NBPF9: variants seen among roughly 807,000 people sequenced by gnomAD.
NBPF9 encodes NBPF member 9.
In NBPF9, 91 loss-of-function variants were observed where a neutral mutation model predicts 97.8. That is an observed-to-expected ratio of 0.93 (90% CI 0.79 to 1.11). The LOEUF (loss-of-function observed/expected upper bound fraction) is 1.11, where lower values mean the gene tolerates loss of function less well. NBPF9 is among the 50% of genes least tolerant of loss of function. The pLI, the probability that NBPF9 is intolerant of heterozygous loss-of-function variation, is 0.00. For missense variants in NBPF9, 992 were observed against 939.5 expected, an observed-to-expected ratio of 1.06 and a Z score of -0.73; for synonymous variants, 334 against 359.5, an observed-to-expected ratio of 0.93 and a Z score of 0.80.
At chr1:149,075,321 G>A (rs2079763226) in intron 12 of NBPF9, among the ~76,000 whole-genome samples, 1 of 152,122 alleles carries the variant, frequency 6.6e-6, no homozygotes, top group Non-Finnish European at 1.5e-5. Context: ...CAGACTAGAT[G>A]TTATTTGTCT....
chr1:149,095,859 A>G (rs2081728558), intron 4 of NBPF9, among the ~76,000 whole-genome samples: 1 of 151,798 alleles, frequency 6.6e-6, no homozygotes, highest in African/African-American at 2.4e-5. Flanking sequence ...TGGAAATCAA[A>G]AGTGTACAGT....
Position 149,071,718 on chromosome 1 carries a change from C to T in NBPF9, c.1307-42G>A, listed in dbSNP as rs1308373454. On this transcript the variant is annotated intron_variant, in intron 14 of 29. Transcript: ENST00000584027. ...GTTCGTTCAGATATTTCCCACTTCA[C>T]AGTCTGCAAGCACAGTCAGCCCAAT... The T allele has an allele frequency of 3.2e-5, 35 of 1,082,264 alleles. 3 individuals are homozygous for T. The highest frequency in any genetic ancestry group is 4.6e-5 in the Non-Finnish European group (34 of 743,756). The allele number at this position is 1,082,264 out of a possible 1,614,324, so 67.0% of individuals were successfully genotyped here. A position where few individuals can be genotyped will look rare whatever the true frequency, so the allele number is the denominator to read the frequency against.
intron 9 of NBPF9, 150 bp downstream of exon 9, chr1:149,078,857 T>C (rs1312504771): frequency 1.4e-6 from 2 of 1,392,804 alleles, no homozygotes; most frequent in Non-Finnish European, 2.0e-6. Flanking sequence ...CCCATCTCTG[T>C]TCTTACCCAG....
At chr1:149,063,239 A>T (rs375020724) in intron 20 of NBPF9, among the ~76,000 whole-genome samples, 2 of 125,766 alleles carry the variant, frequency 1.6e-5, no homozygotes, top group South Asian at 6.3e-4. Context: ...AAACTGCACT[A>T]TTCAGCCCTG....
chr1:149,062,349 G>C (rs2078671158), intron 21 of NBPF9, 84 bp from the exon 22 acceptor site: 2 of 620,782 alleles, frequency 3.2e-6, no homozygotes, highest in Non-Finnish European at 5.8e-6. Context: ...GCTAACATAA[G>C]GAACTGTTTA....
rs1395069976 is a variant in NBPF9, at chr1:149,087,353, TTGTG to T, written c.-195+3396_-195+3399del. Among the ~76,000 whole-genome samples the T allele has an allele frequency of 1.9e-3, 274 of 147,878 alleles. 1 individual carries two copies. The highest frequency in any genetic ancestry group is 5.9e-3 in the African/African-American group (234 of 39,676). Reference sequence around the variant, plus strand: ...TATATACACACACACACACACACGTTTGTGTGTGTATGTGTGTATACATATATAT... The same window carrying T: ...TATATACACACACACACACACACGTTTGTGTATGTGTGTATACATATATAT... On this transcript the variant is annotated intron_variant, in intron 5 of 29. Transcript: ENST00000584027.
rs373315561 is a variant in NBPF9, at chr1:149,071,953, G to T, written c.1307-277C>A. 3.0e-3 allele frequency among the ~76,000 whole-genome samples: 449 copies of T among 149,528 alleles called. 2 individuals carry two copies. Among genetic ancestry groups the T allele is most frequent in the Non-Finnish European group, 4.9e-3 (332 of 67,562 alleles). On this transcript the variant is annotated intron_variant, in intron 14 of 29. Transcript: ENST00000584027. Reference sequence around the variant, plus strand: ...AGGCTTGTGCAGCCTCTCTCTGGACGTTGGCAGCTGTCTCCCCCATCCTGC... The same window carrying T: ...AGGCTTGTGCAGCCTCTCTCTGGACTTTGGCAGCTGTCTCCCCCATCCTGC...
intron 16 of NBPF9, among the ~76,000 whole-genome samples, chr1:149,070,705 C>G (rs1195859351): frequency 1.3e-5 from 2 of 151,998 alleles, no homozygotes; most frequent in Non-Finnish European, 1.5e-5. Flanking sequence ...CTCCTGCACT[C>G]AGGTGACTAT....
intron 4 of NBPF9, among the ~76,000 whole-genome samples, chr1:149,095,891 A>T (rs1260157208): frequency 2.0e-5 from 3 of 151,542 alleles, no homozygotes; most frequent in African/African-American, 7.3e-5. Context: ...ACTTAAGTTC[A>T]TTCAAAATCC....
Position 149,059,398 on chromosome 1 carries a change from G to T in NBPF9, c.2586-301C>A. On this transcript the variant is annotated intron_variant, in intron 25 of 29. Transcript: ENST00000584027. ...TGAGTTCGTGCCCTCATGACACACA[G>T]CAAACTGTGATCATGAAAAGAGTGA... is the stretch of plus-strand genomic sequence containing the variant. The T allele has an allele frequency of 4.8e-6, 2 of 419,098 alleles. 1 individual carries two copies. The highest frequency in any genetic ancestry group is 8.8e-6 in the Non-Finnish European group (2 of 228,486). 26.0% of individuals were successfully genotyped at this position (419,098 alleles called of 1,614,324 possible).
At position 149,098,526 on chromosome 1, in the gene NBPF9, C is replaced by T. The variant is rs1247152690; in HGVS notation, c.-425G>A. The T allele has an allele frequency of 2.9e-4, 444 of 1,505,646 alleles. 4 individuals are homozygous for T. The South Asian group carries it at 5.0e-3, about 17-fold the overall frequency. The allele number at this position is 1,505,646 out of a possible 1,614,324, so 93.3% of individuals were successfully genotyped here. On this transcript the variant is annotated 5_prime_UTR_variant, in exon 4 of 30. Transcript: ENST00000584027. ...TGGGGAAGTTTCTACATCAGTACCT[C>T]GGAGAGTCCACTGGAAGCCCTGGAC...
intron 12 of NBPF9, among the ~76,000 whole-genome samples, chr1:149,075,423 A>C (rs1304666330): frequency 6.6e-6 from 1 of 152,240 alleles, no homozygotes; most frequent in African/African-American, 2.4e-5. Flanking sequence ...AGAAATCAAT[A>C]AATGGCAGTT....
At chr1:149,097,341 G>A (rs2081848007) in intron 4 of NBPF9, among the ~76,000 whole-genome samples, 1 of 152,276 alleles carries the variant, frequency 6.6e-6, no homozygotes, top group South Asian at 2.1e-4. Context: ...TTTCCATGGG[G>A]TACAACCCCT....
At position 149,060,965 on chromosome 1, in the gene NBPF9, G is replaced by C. The variant is rs1477823078; in HGVS notation, c.2304-270C>G. The C allele has an allele frequency of 7.2e-6, 3 of 417,692 alleles. 1 individual carries two copies. Among genetic ancestry groups the C allele is most frequent in the Non-Finnish European group, 1.3e-5 (3 of 233,158 alleles). 25.9% of individuals were successfully genotyped at this position (417,692 alleles called of 1,614,324 possible). A position where few individuals can be genotyped will look rare whatever the true frequency, so the allele number is the denominator to read the frequency against. On this transcript the variant is annotated intron_variant, in intron 23 of 29. Transcript: ENST00000584027. ...GAGAACGAGCTCAGTGAATTGTCCA[G>C]ATGACACACTGATGAGGGAGTAACA...
At chr1:149,075,581 A>G in intron 12 of NBPF9, 74 bp downstream of exon 12, 2 of 1,397,166 alleles carry the variant, frequency 1.4e-6, no homozygotes, top group Non-Finnish European at 2.0e-6. Context: ...TTTGATGGAG[A>G]GAGCACTTAG....
intron 25 of NBPF9, 37 bp downstream of exon 25, chr1:149,059,663 A>T: frequency 1.8e-6 from 1 of 561,144 alleles, no homozygotes; most frequent in Admixed American, 2.4e-5. Flanking sequence ...TCCAGGTGTT[A>T]ACACAGAACT....
chr1:149,078,821 A>T (rs2080135951), intron 9 of NBPF9, among the ~76,000 whole-genome samples, 186 bp downstream of exon 9: 1 of 149,524 alleles, frequency 6.7e-6, no homozygotes, highest in Non-Finnish European at 1.5e-5. Flanking sequence ...CACTTGCAAT[A>T]CTGTGACCTC....
intron 2 of NBPF9, among the ~76,000 whole-genome samples, chr1:149,101,793 T>A (rs1553663386): frequency 6.6e-6 from 1 of 152,182 alleles, no homozygotes; most frequent in Non-Finnish European, 1.5e-5. Context: ...TTCAACAGTA[T>A]GTAATACTAA....
chr1:149,055,273 C>A, exon 30 of NBPF9: 1 of 353,556 alleles, frequency 2.8e-6, no homozygotes, highest in East Asian at 7.2e-5. Flanking sequence ...TCATTGAAAC[C>A]AGGGTAACAC....
Sources: allele counts gnomAD v4.1 joint callset (sites outside exome capture counted in the v4.1 genomes callset), GRCh38; gene constraint gnomAD v4.1.1; transcripts MANE v1.5; gene names NCBI Gene and HGNC (gene_info 2026-07-23, HGNC 2026-07-21).